The following EPM2A variants were observed in gnomAD, a reference collection of about 807,000 sequenced individuals.
The protein encoded by EPM2A is EPM2A glucan phosphatase, laforin, also known as laforin.
A neutral mutation model predicts 26.5 loss-of-function variants in EPM2A; 21 were observed. The ratio of observed to expected loss-of-function variants is 0.79; its 90% confidence interval spans 0.56 to 1.14. The LOEUF (loss-of-function observed/expected upper bound fraction) is 1.14. EPM2A is among the 50% of genes most tolerant of loss of function. The pLI, the probability that EPM2A is intolerant of heterozygous loss-of-function variation, is 0.00. For missense variants in EPM2A, 458 were observed against 440.8 expected (o/e 1.04, Z -0.35); for synonymous variants, 217 against 177.6 (o/e 1.22, Z -1.76).
At chr6:145,475,613 TA>T (rs558472260) in intron 4 of EPM2A, among the ~76,000 whole-genome samples, 29 of 148,130 alleles carry the variant, frequency 2.0e-4, no homozygotes, top group South Asian at 8.6e-4. Flanking sequence ...AAAGTATCAT[TA>T]AAAAAAAAAA....
chr6:145,696,775 ATGTGTGTGTGTGTGTG>A (rs35621582), intron 1 of EPM2A, among the ~76,000 whole-genome samples: 1,410 of 135,302 alleles, frequency 0.01, 16 homozygotes, highest in African/African-American at 0.034. Context: ...AGGTAGGGGT[ATGTGTGTGTGTGTGTG>A]TGTGTGTGTG....
At chr6:145,641,735 C>T (rs1308298556) in intron 2 of EPM2A, among the ~76,000 whole-genome samples, 2 of 152,134 alleles carry the variant, frequency 1.3e-5, no homozygotes, top group Non-Finnish European at 2.9e-5. Flanking sequence ...CACAATACTA[C>T]CCTTCTTCCT....
chr6:145,534,577 G>A (rs1450432929), intron 2 of EPM2A, among the ~76,000 whole-genome samples: 1 of 152,188 alleles, frequency 6.6e-6, no homozygotes, highest in Non-Finnish European at 1.5e-5. Context: ...TGCAATGAAA[G>A]GTTCAGTCAA....
At chr6:145,735,608 C>T, upstream of EPM2A, 2 of 1,081,200 alleles carry the variant, frequency 1.8e-6, no homozygotes, top group Non-Finnish European at 2.2e-6. Context: ...GAGCCCCGGG[C>T]ACCGGGGAGA....
intron 2 of EPM2A, among the ~76,000 whole-genome samples, chr6:145,555,660 T>C (rs913987313): frequency 5.3e-5 from 8 of 152,136 alleles, no homozygotes; most frequent in African/African-American, 1.4e-4. Flanking sequence ...CACACACGCA[T>C]ATGCACATAC....
chr6:145,478,639 A>G (rs1582786802), intron 4 of EPM2A, among the ~76,000 whole-genome samples: 2 of 151,888 alleles, frequency 1.3e-5, no homozygotes, highest in African/African-American at 2.4e-5. Context: ...CTCTTCTAAC[A>G]TAAGCATCTG....
intron 4 of EPM2A, among the ~76,000 whole-genome samples, chr6:145,457,705 T>A (rs1779279798): frequency 6.6e-6 from 1 of 152,060 alleles, no homozygotes; most frequent in East Asian, 1.9e-4. Flanking sequence ...GGCAGTCAGA[T>A]GGGTAAATGG....
intron 1 of EPM2A, among the ~76,000 whole-genome samples, chr6:145,712,285 C>CA (rs1431296175): frequency 6.6e-6 from 1 of 152,046 alleles, no homozygotes; most frequent in Non-Finnish European, 1.5e-5. Flanking sequence ...ACAGCAGAAA[C>CA]AATAGCTGGG....
chr6:145,728,298 G>A (rs979146963), intron 1 of EPM2A, among the ~76,000 whole-genome samples: 1 of 152,182 alleles, frequency 6.6e-6, no homozygotes, highest in Non-Finnish European at 1.5e-5. Context: ...GTTGGGCAGA[G>A]GTTGGGACAG....
At chr6:145,461,068 T>C (rs1439047783) in intron 4 of EPM2A, among the ~76,000 whole-genome samples, 1 of 152,194 alleles carries the variant, frequency 6.6e-6, no homozygotes, top group East Asian at 1.9e-4. Context: ...CCCTCATTCA[T>C]CAGCCTAAGT....
chr6:145,648,878 A>G (rs1460592250), intron 2 of EPM2A, among the ~76,000 whole-genome samples: 1 of 152,190 alleles, frequency 6.6e-6, no homozygotes, highest in Non-Finnish European at 1.5e-5. Flanking sequence ...CTTTGTATTT[A>G]TTTACCTCAT....
chr6:145,547,721 A>C (rs953780258), intron 2 of EPM2A, among the ~76,000 whole-genome samples: 1 of 152,096 alleles, frequency 6.6e-6, no homozygotes, highest in Non-Finnish European at 1.5e-5. Flanking sequence ...CTCTCTTGCT[A>C]TTGAACAGAA....
intron 4 of EPM2A, chr6:145,489,684 A>G (rs1779729486): frequency 7.2e-7 from 1 of 1,382,712 alleles, no homozygotes; most frequent in African/African-American, 1.4e-5. Flanking sequence ...TTTCAGCTTC[A>G]GAATCCACTG....
chr6:145,664,645 G>C (rs1451248308), intron 2 of EPM2A, among the ~76,000 whole-genome samples: 1 of 151,966 alleles, frequency 6.6e-6, no homozygotes, highest in South Asian at 2.1e-4. Flanking sequence ...ATTGAACTCA[G>C]CTCTGCACCA....
At chr6:145,647,176 G>A (rs916297065) in intron 2 of EPM2A, among the ~76,000 whole-genome samples, 5 of 152,090 alleles carry the variant, frequency 3.3e-5, no homozygotes, top group African/African-American at 7.2e-5. Flanking sequence ...AATATCCATC[G>A]CTTTTATATA....
At chr6:145,731,879 G>C (rs1446567276) in intron 1 of EPM2A, among the ~76,000 whole-genome samples, 1 of 152,092 alleles carries the variant, frequency 6.6e-6, no homozygotes, top group Non-Finnish European at 1.5e-5. Flanking sequence ...CTGCTAACAG[G>C]AATGGGCTTA....
chr6:145,394,297 C>G (rs1269031516), intron 4 of EPM2A, among the ~76,000 whole-genome samples: 1 of 152,056 alleles, frequency 6.6e-6, no homozygotes, highest in Non-Finnish European at 1.5e-5. Context: ...GACCACTGAC[C>G]TTACTCATGT....
chr6:145,574,130 T>C (rs1466626181), intron 2 of EPM2A, among the ~76,000 whole-genome samples: 1 of 152,204 alleles, frequency 6.6e-6, no homozygotes, highest in African/African-American at 2.4e-5. Context: ...TCTGAGTCTG[T>C]AAACTGGCTC....
At chr6:145,497,125 A>G (rs890647069), downstream of EPM2A, among the ~76,000 whole-genome samples, 1 of 152,190 alleles carries the variant, frequency 6.6e-6, no homozygotes, top group African/African-American at 2.4e-5. Flanking sequence ...GGTCATTTGA[A>G]GGAAAGAGCA....
Sources: gnomAD v4.1 joint callset for allele counts (sites outside exome capture counted in the v4.1 genomes callset) on GRCh38, gnomAD v4.1.1 for gene constraint, MANE v1.5 for transcripts, NCBI Gene and HGNC (gene_info 2026-07-23, HGNC 2026-07-21) for gene names.